KATNA1: variants seen among roughly 807,000 people sequenced by gnomAD.
The protein encoded by KATNA1 is katanin p60 ATPase-containing subunit A1.
In KATNA1, 42 loss-of-function variants were observed where a neutral mutation model predicts 62.6. The observed-to-expected ratio is 0.67, with a 90% confidence interval of 0.52 to 0.87. KATNA1 has a LOEUF of 0.87. KATNA1 is among the 40% of genes least tolerant of loss of function. The pLI is 0.00. For missense variants in KATNA1, 498 were observed against 612.5 expected, an observed-to-expected ratio of 0.81 and a Z score of 1.97; for synonymous variants, 186 against 201.9, an observed-to-expected ratio of 0.92 and a Z score of 0.67.
chr6:149,613,217 A>AAAAAAAAAAAAAAAAT (rs1562286960), intron 4 of KATNA1, among the ~76,000 whole-genome samples: 1 of 138,246 alleles, frequency 7.2e-6, no homozygotes, highest in African/African-American at 2.8e-5. Flanking sequence ...AAAAAAAAAA[A>AAAAAAAAAAAAAAAAT]GAACATCTAC....
chr6:149,640,433 G>A (rs1780234118), intron 1 of KATNA1, among the ~76,000 whole-genome samples: 1 of 151,960 alleles, frequency 6.6e-6, no homozygotes, highest in African/African-American at 2.4e-5. Context: ...ACTCCAGCCT[G>A]GGCAACAGAG....
At chr6:149,607,136 T>C (rs1440494598) in intron 4 of KATNA1, among the ~76,000 whole-genome samples, 1 of 152,160 alleles carries the variant, frequency 6.6e-6, no homozygotes, top group Non-Finnish European at 1.5e-5. Flanking sequence ...TTTTCTCCCA[T>C]AGAACACAGT....
At chr6:149,605,159 C>T (rs578136022) in intron 4 of KATNA1, among the ~76,000 whole-genome samples, 4 of 149,352 alleles carry the variant, frequency 2.7e-5, no homozygotes, top group South Asian at 2.1e-4. Context: ...GGTGACAGAC[C>T]GAGACACCAA....
At chr6:149,638,688 A>G in intron 1 of KATNA1, 128 bp from the exon 2 acceptor site, 5 of 492,606 alleles carry the variant, frequency 1.0e-5, no homozygotes, top group Non-Finnish European at 1.8e-5. Flanking sequence ...TCCCATCTCT[A>G]TATGTGTGCT....
intron 4 of KATNA1, among the ~76,000 whole-genome samples, chr6:149,619,450 T>C (rs927405153): frequency 2.6e-5 from 4 of 151,852 alleles, no homozygotes; most frequent in Non-Finnish European, 5.9e-5. Flanking sequence ...CCGTCTCTAC[T>C]AAAATACAAA....
Position 149,594,947 on chromosome 6 carries a change from TAA to T in KATNA1, c.*87_*88del. On this transcript the variant is annotated 3_prime_UTR_variant, in exon 11 of 11. Coordinates refer to ENST00000367411, the MANE Select transcript of KATNA1 (RefSeq NM_007044.4). ...AAAAAAATCTTACCATTATGAAAGT[TAA>T]AAAAAATATAGCACTCAGTACAATG... The T allele has an allele frequency of 1.0e-6, 1 of 994,720 alleles. No individual in the cohort carries two copies. The highest frequency in any genetic ancestry group is 1.5e-6 in the Non-Finnish European group (1 of 684,898). 61.6% of individuals were successfully genotyped at this position (994,720 alleles called of 1,614,324 possible).
chr6:149,621,437 T>C (rs1417400197), intron 4 of KATNA1, among the ~76,000 whole-genome samples: 1 of 150,656 alleles, frequency 6.6e-6, no homozygotes, highest in Admixed American at 6.6e-5. Flanking sequence ...TGCCTTCTTA[T>C]ATGATACACT....
chr6:149,638,944 G>A (rs995289287), intron 1 of KATNA1, among the ~76,000 whole-genome samples: 34 of 151,826 alleles, frequency 2.2e-4, no homozygotes, highest in African/African-American at 8.0e-4. Flanking sequence ...TCACCATGTT[G>A]GCCAGGCTGG....
intron 3 of KATNA1, chr6:149,631,649 TG>T (rs1779845826): frequency 6.6e-6 from 1 of 151,820 alleles, no homozygotes; most frequent in South Asian, 2.1e-4. Context: ...AACATCTTAA[TG>T]CAAGGTTAAC....
chr6:149,619,473 C>T (rs1357813810), intron 4 of KATNA1, among the ~76,000 whole-genome samples: 1 of 152,074 alleles, frequency 6.6e-6, no homozygotes, highest in Middle Eastern at 3.4e-3. Flanking sequence ...ATTAGCTAGG[C>T]GTGGTAGCGT....
chr6:149,621,628 G>A (rs1007242122), intron 4 of KATNA1, among the ~76,000 whole-genome samples: 1 of 151,942 alleles, frequency 6.6e-6, no homozygotes, highest in Non-Finnish European at 1.5e-5. Context: ...CAGTAGCTGG[G>A]ATTATAGGTG....
At chr6:149,617,047 T>A (rs903055457) in intron 4 of KATNA1, among the ~76,000 whole-genome samples, 4 of 152,102 alleles carry the variant, frequency 2.6e-5, no homozygotes, top group Non-Finnish European at 4.4e-5. Flanking sequence ...GTAAAACAAG[T>A]AAGTCACAAA....
chr6:149,608,386 G>A (rs1375101084), intron 4 of KATNA1, among the ~76,000 whole-genome samples: 1 of 152,134 alleles, frequency 6.6e-6, no homozygotes, highest in Non-Finnish European at 1.5e-5. Flanking sequence ...ACCTGGATAC[G>A]CCAATTTGAA....
intron 1 of KATNA1, among the ~76,000 whole-genome samples, chr6:149,642,196 T>C (rs1219693440): frequency 6.6e-6 from 1 of 152,202 alleles, no homozygotes; most frequent in African/African-American, 2.4e-5. Flanking sequence ...CCTATGCGCC[T>C]GGCCGAGAGA....
chr6:149,602,636 A>G (rs959858586), intron 6 of KATNA1, among the ~76,000 whole-genome samples: 7 of 152,160 alleles, frequency 4.6e-5, no homozygotes, highest in Non-Finnish European at 7.3e-5. Flanking sequence ...ATCATGCAAC[A>G]TGACATATAA....
intron 1 of KATNA1, among the ~76,000 whole-genome samples, chr6:149,646,847 C>T (rs554349875): frequency 6.6e-6 from 1 of 152,246 alleles, no homozygotes; most frequent in African/African-American, 2.4e-5. Flanking sequence ...TCAACACTGA[C>T]CATATTTATG....
intron 5 of KATNA1, among the ~76,000 whole-genome samples, chr6:149,603,820 T>G (rs953705274): frequency 4.7e-4 from 72 of 152,178 alleles, no homozygotes; most frequent in Admixed American, 8.5e-4. Context: ...AAGAGGTAGA[T>G]GCCAAGGTTA....
chr6:149,626,311 T>TG (rs1779605997), intron 3 of KATNA1, among the ~76,000 whole-genome samples: 1 of 139,718 alleles, frequency 7.2e-6, no homozygotes, highest in African/African-American at 2.7e-5. Flanking sequence ...TTTTTTTTTT[T>TG]TGAGACGGAG....
chr6:149,646,081 GT>G (rs981506359), intron 1 of KATNA1, among the ~76,000 whole-genome samples: 5 of 151,826 alleles, frequency 3.3e-5, no homozygotes, highest in South Asian at 4.2e-4. Context: ...CTTATTTGCA[GT>G]TTTTTTTAAC....
Sources: gnomAD v4.1 joint callset for allele counts (sites outside exome capture counted in the v4.1 genomes callset) on GRCh38, gnomAD v4.1.1 for gene constraint, MANE v1.5 for transcripts, NCBI Gene and HGNC (gene_info 2026-07-23, HGNC 2026-07-21) for gene names.